ASTN1: variants seen among roughly 807,000 people sequenced by gnomAD.
ASTN1 encodes the protein astrotactin 1.
Under a neutral mutation model 140.7 loss-of-function variants are expected in ASTN1, and 41 were observed. The observed-to-expected ratio is 0.29, with a 90% confidence interval of 0.23 to 0.38. The LOEUF (loss-of-function observed/expected upper bound fraction) is 0.38, where lower values mean the gene tolerates loss of function less well. Among genes scored for constraint, ASTN1 ranks in the 10% least tolerant of loss-of-function variants. ASTN1 has a pLI of 1.00. For synonymous variants in ASTN1, 640 were observed against 652.2 expected (o/e 0.98, Z 0.29); for missense variants, 1,479 against 1,678.8 (o/e 0.88, Z 2.08).
chr1:177,013,964 T>C (rs1675417657), intron 8 of ASTN1, among the ~76,000 whole-genome samples: 1 of 151,906 alleles, frequency 6.6e-6, no homozygotes, highest in Non-Finnish European at 1.5e-5. Context: ...GAGGATGGCT[T>C]GAGGCCAGGA....
intron 18 of ASTN1, among the ~76,000 whole-genome samples, chr1:176,887,031 G>A (rs1669056583): frequency 6.6e-6 from 1 of 152,170 alleles, no homozygotes; most frequent in African/African-American, 2.4e-5. Context: ...AGGAAATTGG[G>A]CATGTCCATT....
chr1:177,024,282 G>A (rs1320356782), intron 6 of ASTN1, among the ~76,000 whole-genome samples: 1 of 152,178 alleles, frequency 6.6e-6, no homozygotes, highest in East Asian at 1.9e-4. Flanking sequence ...GAGTCTTGGT[G>A]CCTTCCTTCC....
chr1:176,876,723 G>A lies in ASTN1; in HGVS notation c.3363-86C>T. 3 of 1,318,922 alleles carry A rather than the reference G, an allele frequency of 2.3e-6. No homozygotes were observed. In the South Asian group the frequency reaches 3.8e-5, roughly 17 times the overall value. 81.7% of individuals were successfully genotyped at this position (1,318,922 alleles called of 1,614,324 possible). ...TGGCCCTAGCTCATGGCCCAGCTCT[G>A]CCTGAATGGGTGGCTATGGACCCAG... is the stretch of plus-strand genomic sequence containing the variant. On this transcript the variant is annotated intron_variant, in intron 20 of 22. Transcript: ENST00000361833.
chr1:177,037,089 G>C (rs1173812505), intron 2 of ASTN1, among the ~76,000 whole-genome samples: 1 of 152,040 alleles, frequency 6.6e-6, no homozygotes, highest in Non-Finnish European at 1.5e-5. Context: ...CAAAGTGGTG[G>C]GATTACAGGT....
chr1:177,087,748 G>A (rs760722048), intron 1 of ASTN1, among the ~76,000 whole-genome samples: 5 of 152,206 alleles, frequency 3.3e-5, no homozygotes, highest in Non-Finnish European at 7.3e-5. Context: ...AGGTGCTTGT[G>A]GGAGTTGGGG....
chr1:177,113,254 G>T (rs764465188), intron 1 of ASTN1, among the ~76,000 whole-genome samples: 8 of 152,168 alleles, frequency 5.3e-5, no homozygotes, highest in Non-Finnish European at 7.3e-5. Flanking sequence ...ACCTAAGGTT[G>T]TTTCCAGCTT....
chr1:176,864,173 T>C lies in ASTN1; in HGVS notation c.*111A>G. On this transcript the variant is annotated 3_prime_UTR_variant, in exon 23 of 23. Coordinates refer to ENST00000361833, the MANE Select transcript of ASTN1 (RefSeq NM_004319.3). ...ACTTTCTCCCTGGTTTCGATGTTGCTGTGGAGGTTTTCATGTTCCATTAAA... is the reference window on the plus strand; with the variant it reads ...ACTTTCTCCCTGGTTTCGATGTTGCCGTGGAGGTTTTCATGTTCCATTAAA... 2 of 1,507,098 alleles carry C rather than the reference T, an allele frequency of 1.3e-6. No individual in the cohort carries two copies. The highest frequency in any genetic ancestry group is 1.4e-5 in the African/African-American group (1 of 72,058). 93.4% of individuals were successfully genotyped at this position (1,507,098 alleles called of 1,614,324 possible). A position where few individuals can be genotyped will look rare whatever the true frequency, so the allele number is the denominator to read the frequency against.
intron 9 of ASTN1, among the ~76,000 whole-genome samples, chr1:176,958,970 G>A (rs760492140): frequency 3.9e-5 from 6 of 152,142 alleles, no homozygotes; most frequent in Non-Finnish European, 8.8e-5. Flanking sequence ...GAACAGAAAT[G>A]ACTGAAGCCA....
At chr1:177,126,172 CATT>C (rs1438358762) in intron 1 of ASTN1, among the ~76,000 whole-genome samples, 4 of 152,192 alleles carry the variant, frequency 2.6e-5, no homozygotes, top group Admixed American at 1.3e-4. Flanking sequence ...CCATCATCAT[CATT>C]ATCCTATCAG....
chr1:176,908,557 C>A (rs1330834245), intron 16 of ASTN1, among the ~76,000 whole-genome samples: 1 of 152,196 alleles, frequency 6.6e-6, no homozygotes, highest in Non-Finnish European at 1.5e-5. Flanking sequence ...TGGCACAAGG[C>A]AGTCAGCCTT....
intron 22 of ASTN1, 53 bp from the exon 23 acceptor site, chr1:176,864,574 T>C: frequency 6.3e-7 from 1 of 1,595,890 alleles, no homozygotes; most frequent in Non-Finnish European, 8.6e-7. Flanking sequence ...AGGGTCTGGA[T>C]GAGCACAGCT....
intron 1 of ASTN1, among the ~76,000 whole-genome samples, chr1:177,120,984 A>G (rs1681354189): frequency 6.6e-6 from 1 of 152,154 alleles, no homozygotes; most frequent in South Asian, 2.1e-4. Flanking sequence ...AGAAGCATGG[A>G]GTATTTTCAT....
At chr1:177,109,244 C>T (rs1265584828) in intron 1 of ASTN1, among the ~76,000 whole-genome samples, 1 of 152,000 alleles carries the variant, frequency 6.6e-6, no homozygotes, top group Non-Finnish European at 1.5e-5. Flanking sequence ...TGAAGCTTTG[C>T]AGGAAATATG....
intron 16 of ASTN1, among the ~76,000 whole-genome samples, chr1:176,901,629 A>G (rs1258052488): frequency 6.6e-6 from 1 of 152,180 alleles, no homozygotes; most frequent in Non-Finnish European, 1.5e-5. Flanking sequence ...ATCTGAACCC[A>G]AGGATGGTCA....
chr1:176,864,261 A>G lies in ASTN1; in HGVS notation c.*23T>C. 1.2e-6 allele frequency: 2 copies of G among 1,608,480 alleles called. No homozygotes were observed. The highest frequency in any genetic ancestry group is 1.7e-6 in the Non-Finnish European group (2 of 1,176,490). On this transcript the variant is annotated 3_prime_UTR_variant, in exon 23 of 23. Transcript: ENST00000361833. ...CTCCTCTTTCCTACTTCATTCTGGC[A>G]GCAGCTCCCTGGCCTTATGGTGCTA...
At chr1:177,037,071 C>T (rs939341851) in intron 2 of ASTN1, among the ~76,000 whole-genome samples, 7 of 152,158 alleles carry the variant, frequency 4.6e-5, no homozygotes, top group African/African-American at 1.7e-4. Context: ...CCACTTGCCT[C>T]GGCCTCCCAA....
At chr1:176,962,447 C>A (rs1672706098) in intron 9 of ASTN1, among the ~76,000 whole-genome samples, 1 of 152,102 alleles carries the variant, frequency 6.6e-6, no homozygotes, top group Admixed American at 6.5e-5. Context: ...TGAAGGCCTG[C>A]TGTGTTCAAA....
intron 16 of ASTN1, among the ~76,000 whole-genome samples, chr1:176,915,011 T>C (rs963502275): frequency 3.9e-5 from 6 of 152,230 alleles, no homozygotes; most frequent in African/African-American, 1.4e-4. Flanking sequence ...AAAATTTTCA[T>C]GCTCTGATGT....
At chr1:177,085,952 G>A (rs1429815340) in intron 1 of ASTN1, among the ~76,000 whole-genome samples, 2 of 152,088 alleles carry the variant, frequency 1.3e-5, no homozygotes, top group African/African-American at 2.4e-5. Flanking sequence ...TTAGTGGCAA[G>A]GTCAAAATTA....
Sources: gnomAD v4.1 joint callset for allele counts (sites outside exome capture counted in the v4.1 genomes callset) on GRCh38, gnomAD v4.1.1 for gene constraint, MANE v1.5 for transcripts, NCBI Gene and HGNC (gene_info 2026-07-23, HGNC 2026-07-21) for gene names.